Variants in STAB2 observed in about 807,000 individuals in gnomAD.
STAB2 encodes stabilin 2.
Under a neutral mutation model 338.1 loss-of-function variants are expected in STAB2, and 288 were observed. The ratio of observed to expected loss-of-function variants is 0.85; its 90% CI spans 0.77 to 0.94. The LOEUF (loss-of-function observed/expected upper bound fraction) is 0.94. Ranked by LOEUF, STAB2 falls within the 40% of genes least tolerant of loss-of-function variation. The probability of loss-of-function intolerance (pLI) is 0.00; values close to 1 mark genes in which losing one functional copy is unlikely to be tolerated. For synonymous variants in STAB2, 1,202 were observed against 1,193.3 expected, an observed-to-expected ratio of 1.01 and a Z score of -0.15; for missense variants, 3,141 against 3,210.1, an observed-to-expected ratio of 0.98 and a Z score of 0.52.
intron 15 of STAB2, among the ~76,000 whole-genome samples, chr12:103,659,818 G>A (rs375563717): frequency 7.9e-5 from 12 of 152,202 alleles, no homozygotes; most frequent in African/African-American, 2.2e-4. Context: ...AGAGGTGATC[G>A]CTATCCCTAT....
Position 103,705,579 on chromosome 12 carries a change from C to T in STAB2, c.3901-53C>T, listed in dbSNP as rs947896377. Reference sequence around the variant, plus strand: ...TCACCCACCTACTTGCTTTCGGAGACTGGAAAACTTTTTCCTAACTTAGGA... The same window carrying T: ...TCACCCACCTACTTGCTTTCGGAGATTGGAAAACTTTTTCCTAACTTAGGA... On this transcript the variant is annotated intron_variant, in intron 36 of 68. Coordinates refer to ENST00000388887, the MANE Select transcript of STAB2 (RefSeq NM_017564.10). 4.0e-5 allele frequency: 62 copies of T among 1,542,722 alleles called. 1 individual carries two copies. The African/African-American group carries it at 7.8e-4, about 19-fold the overall frequency.
At chr12:103,747,481 A>G (rs1000800867) in intron 58 of STAB2, among the ~76,000 whole-genome samples, 4 of 152,146 alleles carry the variant, frequency 2.6e-5, no homozygotes, top group Non-Finnish European at 5.9e-5. Context: ...TGAGGTGGCC[A>G]ATACCATAAG....
chr12:103,717,681 A>G (rs1280639517), intron 43 of STAB2, 89 bp from the exon 44 acceptor site: 1 of 1,042,164 alleles, frequency 9.6e-7, no homozygotes, highest in Non-Finnish European at 1.5e-6. Context: ...TACCATGACC[A>G]TGATGGAGTT....
intron 53 of STAB2, among the ~76,000 whole-genome samples, chr12:103,739,141 C>G (rs1464476619): frequency 9.1e-6 from 1 of 110,196 alleles, no homozygotes; most frequent in Non-Finnish European, 1.9e-5. Flanking sequence ...CCATGCCTGG[C>G]TAATTTTTTT....
At chr12:103,652,000 G>C (rs1466407742) in intron 11 of STAB2, among the ~76,000 whole-genome samples, 1 of 152,132 alleles carries the variant, frequency 6.6e-6, no homozygotes, top group East Asian at 1.9e-4. Flanking sequence ...TAGGCACTTT[G>C]CACGTGGTCT....
At chr12:103,649,491 A>G (rs996095643) in intron 10 of STAB2, among the ~76,000 whole-genome samples, 2 of 152,172 alleles carry the variant, frequency 1.3e-5, no homozygotes, top group African/African-American at 4.8e-5. Context: ...ATAAAACACA[A>G]ATCCAGCCGT....
At chr12:103,679,825 A>T (rs1876734281) in intron 25 of STAB2, among the ~76,000 whole-genome samples, 1 of 152,236 alleles carries the variant, frequency 6.6e-6, no homozygotes, top group Non-Finnish European at 1.5e-5. Flanking sequence ...ATATTTAAGC[A>T]CCCGTATTCA....
intron 62 of STAB2, 53 bp downstream of exon 62, chr12:103,755,520 C>A (rs1884035378): frequency 1.4e-5 from 23 of 1,608,152 alleles, no homozygotes; most frequent in Non-Finnish European, 1.8e-5. Flanking sequence ...GCTGAGCAAT[C>A]CTCAGCCTGG....
chr12:103,675,898 G>A (rs1170346124), intron 23 of STAB2, 30 bp from the exon 24 acceptor site: 1 of 1,571,114 alleles, frequency 6.4e-7, no homozygotes, highest in South Asian at 1.1e-5. Flanking sequence ...TGCTTATTCT[G>A]GGGCTGATAT....
At chr12:103,678,313 A>G (rs1325278214) in intron 25 of STAB2, among the ~76,000 whole-genome samples, 2 of 152,202 alleles carry the variant, frequency 1.3e-5, no homozygotes, top group Non-Finnish European at 2.9e-5. Context: ...ATTTCTTCCC[A>G]TGATGATGGC....
intron 17 of STAB2, among the ~76,000 whole-genome samples, chr12:103,661,284 A>T (rs1250695053): frequency 6.6e-6 from 1 of 151,460 alleles, no homozygotes; most frequent in Non-Finnish European, 1.5e-5. Context: ...AACACAATTC[A>T]TTTTTAAAAC....
Position 103,590,890 on chromosome 12 carries a change from T to C in STAB2, c.82-7T>C. 2 of 1,614,018 alleles carry C rather than the reference T, an allele frequency of 1.2e-6. No individual in the cohort carries two copies. The highest frequency in any genetic ancestry group is 2.2e-5 in the South Asian group (2 of 91,054). On this transcript the variant is annotated splice_polypyrimidine_tract_variant and splice_region_variant and intron_variant, in intron 1 of 68. Transcript: ENST00000388887. ...AATTAATGTTCTTTTTTTTAATATT[T>C]ACACAGGCAAGAAGATGTGATAGGA... is the stretch of plus-strand genomic sequence containing the variant.
intron 3 of STAB2, among the ~76,000 whole-genome samples, chr12:103,601,336 A>G (rs563583853): frequency 6.6e-6 from 1 of 152,318 alleles, no homozygotes; most frequent in African/African-American, 2.4e-5. Flanking sequence ...TTGCGCCAGT[A>G]ATCCCAGCAC....
rs1250383781 is a variant in STAB2, at chr12:103,713,698, G to C, written c.4467G>C (p.Lys1489Asn). Reference protein sequence around the residue: ...NGGCSAKADCKRTTPGRRVCT... With the variant: ...NGGCSAKADCNRTTPGRRVCT... ...GTTGCTCTGCCAAGGCTGACTGTAA[G>C]AGAACCACCCCAGGAAGGCGAGTGT... Residue 1489 changes from lysine (K) to asparagine (N), a missense_variant, in exon 42 of 69, where the codon AAG becomes AAC. By Grantham distance (94) the Lys-to-Asn change is moderately conservative. Transcript: ENST00000388887. 1 of 1,614,010 alleles carries C rather than the reference G, an allele frequency of 6.2e-7. No individual in the cohort carries two copies. Among genetic ancestry groups the C allele is most frequent in the Non-Finnish European group, 8.5e-7 (1 of 1,179,996 alleles).
At chr12:103,630,196 C>T (rs1457297859) in intron 5 of STAB2, among the ~76,000 whole-genome samples, 1 of 152,056 alleles carries the variant, frequency 6.6e-6, no homozygotes, top group African/African-American at 2.4e-5. Context: ...CTGCAATAGT[C>T]CAGGCAAAAC....
intron 65 of STAB2, among the ~76,000 whole-genome samples, chr12:103,760,355 G>A (rs1462464278): frequency 2.0e-5 from 3 of 151,984 alleles, no homozygotes; most frequent in South Asian, 2.1e-4. Context: ...CCCCCTCCTG[G>A]ATTCAAGCGA....
intron 44 of STAB2, 44 bp downstream of exon 44, chr12:103,717,885 C>T (rs1880454560): frequency 1.2e-6 from 2 of 1,605,430 alleles, no homozygotes; most frequent in African/African-American, 1.3e-5. Flanking sequence ...CCTCAGAGCC[C>T]AGGGTGCCTC....
intron 56 of STAB2, 56 bp downstream of exon 56, chr12:103,742,610 T>C (rs556265245): frequency 6.8e-6 from 11 of 1,607,352 alleles, no homozygotes; most frequent in Non-Finnish European, 9.4e-6. Flanking sequence ...GTGCTCCCTG[T>C]CCTTGTTCAT....
intron 9 of STAB2, among the ~76,000 whole-genome samples, chr12:103,644,560 AATAAAT>A (rs1873197299): frequency 7.2e-6 from 1 of 139,004 alleles, no homozygotes; most frequent in African/African-American, 3.0e-5. Flanking sequence ...TAAATAAATA[AATAAAT>A]AAATAAAAAT....
Sources: allele counts gnomAD v4.1 joint callset (sites outside exome capture counted in the v4.1 genomes callset), GRCh38; gene constraint gnomAD v4.1.1; transcripts MANE v1.5; gene names NCBI Gene and HGNC (gene_info 2026-07-23, HGNC 2026-07-21).